The following CACNA1C variants were observed in gnomAD, a reference collection of about 807,000 sequenced individuals.
CACNA1C encodes the protein voltage-dependent L-type calcium channel subunit alpha-1C.
CACNA1C carries 30 observed loss-of-function variants against 229.0 expected under a neutral mutation model. The observed-to-expected ratio is 0.13, with a 90% confidence interval of 0.10 to 0.18. CACNA1C has a LOEUF of 0.18. Among genes scored for constraint, CACNA1C ranks in the 10% least tolerant of loss-of-function variants. The probability of loss-of-function intolerance (pLI) is 1.00; values close to 1 mark genes in which losing one functional copy is unlikely to be tolerated. For synonymous variants in CACNA1C, 1,114 were observed against 1,132.5 expected (o/e 0.98, Z 0.33); for missense variants, 1,658 against 2,845.0 (o/e 0.58, Z 9.49).
intron 1 of CACNA1C, among the ~76,000 whole-genome samples, chr12:1,980,142 A>G (rs1278112934): frequency 2.6e-5 from 4 of 152,196 alleles, no homozygotes; most frequent in Non-Finnish European, 5.9e-5. Context: ...AGGCATACAT[A>G]TCCACCTAAA....
rs2087749632 is a variant in CACNA1C, at chr12:2,275,949, C to T, written c.477+155519C>T. On this transcript the variant is annotated intron_variant, in intron 3 of 46. Coordinates refer to ENST00000399655, the MANE Select transcript of CACNA1C (RefSeq NM_000719.7). This position sits in a 1 kb window ranked among gnomAD's most constrained non-coding sequence, Gnocchi z 4.1. ...GTCTGTGGGGAGACTGATTCCTGGA[C>T]CCCTCTCAGATACAAAACCCAAGGA... Among the ~76,000 whole-genome samples the T allele has an allele frequency of 6.6e-6, 1 of 152,114 alleles. No homozygotes were observed. The highest frequency in any genetic ancestry group is 1.5e-5 in the Non-Finnish European group (1 of 68,034).
intron 1 of CACNA1C, among the ~76,000 whole-genome samples, chr12:2,066,889 G>A (rs901110133): frequency 2.0e-4 from 31 of 152,070 alleles, no homozygotes; most frequent in Admixed American, 5.2e-4. Context: ...TCGGGCAGGG[G>A]TGCTGAATCC....
intron 3 of CACNA1C, among the ~76,000 whole-genome samples, chr12:2,306,225 G>C (rs532881186): frequency 6.6e-6 from 1 of 152,354 alleles, no homozygotes; most frequent in South Asian, 2.1e-4. Flanking sequence ...TGGTTTGACT[G>C]TGCAGATGGT....
At chr12:2,291,989 T>C (rs189823589) in intron 3 of CACNA1C, among the ~76,000 whole-genome samples, 1 of 152,336 alleles carries the variant, frequency 6.6e-6, no homozygotes, top group Admixed American at 6.5e-5. Context: ...CCCACTGTTC[T>C]GTTGGGCTTA....
At chr12:2,497,415 G>C (rs956908746) in intron 7 of CACNA1C, among the ~76,000 whole-genome samples, 14 of 152,206 alleles carry the variant, frequency 9.2e-5, no homozygotes, top group Non-Finnish European at 1.8e-4. Context: ...TTGCAGGTGA[G>C]AATTGTGGAA....
chr12:1,978,882 T>C (rs1323766517), intron 1 of CACNA1C, among the ~76,000 whole-genome samples: 1 of 152,264 alleles, frequency 6.6e-6, no homozygotes, highest in African/African-American at 2.4e-5. Flanking sequence ...TTTCTTCTTA[T>C]CGCTGAGTAG....
chr12:2,172,291 T>C (rs1485448065), intron 3 of CACNA1C, among the ~76,000 whole-genome samples: 2 of 152,206 alleles, frequency 1.3e-5, no homozygotes, highest in Non-Finnish European at 2.9e-5. Context: ...CTGTTTCTGC[T>C]AGTCTGAGCC....
chr12:2,281,744 T>C (rs184225991), intron 3 of CACNA1C, among the ~76,000 whole-genome samples: 11 of 152,224 alleles, frequency 7.2e-5, no homozygotes, highest in African/African-American at 2.7e-4. Flanking sequence ...TTGATTATGA[T>C]GTGCCTTGGT....
At chr12:2,640,888 G>A (rs894583064) in intron 30 of CACNA1C, among the ~76,000 whole-genome samples, 4 of 152,198 alleles carry the variant, frequency 2.6e-5, no homozygotes, top group African/African-American at 9.7e-5. Flanking sequence ...CTTGCTGCAC[G>A]TCCACCCCCT....
rs1276853003 is a variant in CACNA1C, at chr12:2,319,386, C to T, written c.478-129590C>T. 2.0e-5 allele frequency among the ~76,000 whole-genome samples: 3 copies of T among 152,018 alleles called. No individual in the cohort carries two copies. The highest frequency in any genetic ancestry group is 1.9e-4 in the East Asian group (1 of 5,178). Reference sequence around the variant, plus strand: ...GGTAGGCAGCGTACCTGATGGGTGGCGTACATGGGCAGCGTACATGATGGC... The same window carrying T: ...GGTAGGCAGCGTACCTGATGGGTGGTGTACATGGGCAGCGTACATGATGGC... On this transcript the variant is annotated intron_variant, in intron 3 of 46. Transcript: ENST00000399655. The surrounding 1 kb of genome is among the most constrained non-coding windows in gnomAD (Gnocchi z 4.0).
chr12:2,565,337 G>A (rs1386698738), intron 11 of CACNA1C, among the ~76,000 whole-genome samples: 1 of 151,744 alleles, frequency 6.6e-6, no homozygotes, highest in Non-Finnish European at 1.5e-5. Flanking sequence ...CGCGGTGGCG[G>A]GCGCCTGTAG....
Position 2,485,816 on chromosome 12 carries a change from A to G in CACNA1C, c.758-288A>G, listed in dbSNP as rs189856321. Reference sequence around the variant, plus strand: ...AGTTGTCTGTAAGATGGGGTATTACACAATTTGACAGTTATGGATGGAAAC... The same window carrying G: ...AGTTGTCTGTAAGATGGGGTATTACGCAATTTGACAGTTATGGATGGAAAC... On this transcript the variant is annotated intron_variant, in intron 5 of 46. Coordinates refer to ENST00000399655, the MANE Select transcript of CACNA1C (RefSeq NM_000719.7). Among the ~76,000 whole-genome samples, 649 of 152,332 alleles carry G rather than the reference A, an allele frequency of 4.3e-3. 8 individuals are homozygous for G. Among genetic ancestry groups the G allele is most frequent in the African/African-American group, 0.015 (624 of 41,570 alleles).
At chr12:2,293,630 ATTC>A (rs968026668) in intron 3 of CACNA1C, among the ~76,000 whole-genome samples, 5 of 152,188 alleles carry the variant, frequency 3.3e-5, no homozygotes, top group African/African-American at 1.2e-4. Flanking sequence ...GCCCAAGACA[ATTC>A]TTCTCCTTCC....
At chr12:2,260,792 A>C (rs1265016831) in intron 3 of CACNA1C, among the ~76,000 whole-genome samples, 1 of 152,234 alleles carries the variant, frequency 6.6e-6, no homozygotes, top group African/African-American at 2.4e-5. Context: ...TGAGAATTAA[A>C]TGAGTTAATG....
Position 1,984,971 on chromosome 12 carries a change from A to T in CACNA1C, c.139+13770A>T, listed in dbSNP as rs962424060. On this transcript the variant is annotated intron_variant, in intron 1 of 46. Transcript: ENST00000682462. ...ACATAATTTCTGATAAGAAATCTGC[A>T]GTCATTCAAAACATTATTATCCTAG... Among the ~76,000 whole-genome samples, 5 of 151,846 alleles carry T rather than the reference A, an allele frequency of 3.3e-5. No individual in the cohort carries two copies. The East Asian group carries it at 7.7e-4, about 23-fold the overall frequency.
Position 2,512,037 on chromosome 12 carries a change from A to G in CACNA1C, c.1218-775A>G, listed in dbSNP as rs1234077845. Among the ~76,000 whole-genome samples the G allele has an allele frequency of 6.6e-6, 1 of 152,180 alleles. No individual in the cohort carries two copies. The highest frequency in any genetic ancestry group is 1.5e-5 in the Non-Finnish European group (1 of 68,034). On this transcript the variant is annotated intron_variant, in intron 8 of 46. Transcript: ENST00000399655. This position sits in a 1 kb window ranked among gnomAD's most constrained non-coding sequence, Gnocchi z 4.3. ...ATCTTCATTTGTCTTCATGTGGGAG[A>G]GAACCTTCTCTAGATTAGAAATCCT... is the stretch of plus-strand genomic sequence containing the variant.
intron 1 of CACNA1C, among the ~76,000 whole-genome samples, chr12:2,091,749 G>A (rs1402225488): frequency 6.6e-6 from 1 of 152,208 alleles, no homozygotes; most frequent in Non-Finnish European, 1.5e-5. Context: ...GCCCACACTG[G>A]GCCTCTGCTA....
intron 3 of CACNA1C, among the ~76,000 whole-genome samples, chr12:2,328,850 G>T (rs1249126382): frequency 6.6e-6 from 1 of 152,230 alleles, no homozygotes; most frequent in Non-Finnish European, 1.5e-5. Flanking sequence ...CTTTGACAGT[G>T]TGGGTAGACA....
At chr12:2,162,012 A>G (rs1440881753) in intron 3 of CACNA1C, among the ~76,000 whole-genome samples, 1 of 152,196 alleles carries the variant, frequency 6.6e-6, no homozygotes, top group Non-Finnish European at 1.5e-5. Flanking sequence ...CCAGATTGTA[A>G]GGTCAACAAT....
Sources: gnomAD v4.1 joint callset for allele counts (sites outside exome capture counted in the v4.1 genomes callset) on GRCh38, gnomAD v4.1.1 for gene constraint, Gnocchi (gnomAD v3.1) non-coding constraint, MANE v1.5 for transcripts, NCBI Gene and HGNC (gene_info 2026-07-23, HGNC 2026-07-21) for gene names.